The following RALGAPA2 variants were observed in gnomAD, a reference collection of about 807,000 sequenced individuals.
RALGAPA2 encodes ral GTPase-activating protein subunit alpha-2.
RALGAPA2 carries 139 observed loss-of-function variants against 230.4 expected under a neutral mutation model. The observed-to-expected ratio is 0.60, with a 90% CI of 0.53 to 0.69. RALGAPA2 has a LOEUF of 0.69. Ranked by LOEUF, RALGAPA2 falls within the 30% of genes least tolerant of loss-of-function variation. RALGAPA2 has a pLI of 0.00. For missense variants in RALGAPA2, 2,163 were observed against 2,276.0 expected, an observed-to-expected ratio of 0.95 and a Z score of 1.01; for synonymous variants, 847 against 837.8, an observed-to-expected ratio of 1.01 and a Z score of -0.19.
chr20:20,531,571 G>C, intron 27 of RALGAPA2, 116 bp downstream of exon 27: 1 of 914,686 alleles, frequency 1.1e-6, no homozygotes, highest in South Asian at 1.5e-5. Context: ...CATGCAATGG[G>C]AATCACAATC....
intron 37 of RALGAPA2, among the ~76,000 whole-genome samples, chr20:20,457,441 C>T (rs536457564): frequency 1.3e-5 from 2 of 152,286 alleles, no homozygotes; most frequent in East Asian, 1.9e-4. Flanking sequence ...AGATGAGTTG[C>T]TCATTTTTCT....
chr20:20,620,697 G>C (rs563483373), intron 10 of RALGAPA2, 67 bp from the exon 11 acceptor site: 2 of 1,334,248 alleles, frequency 1.5e-6, no homozygotes, highest in African/African-American at 1.5e-5. Flanking sequence ...GCAGCATCAC[G>C]GACATTCCCA....
At chr20:20,679,886 T>A (rs2068461092) in intron 2 of RALGAPA2, among the ~76,000 whole-genome samples, 1 of 152,250 alleles carries the variant, frequency 6.6e-6, no homozygotes, top group South Asian at 2.1e-4. Flanking sequence ...GCATATGGCT[T>A]ATTTTTTAAA....
chr20:20,459,613 G>A (rs1343593773), intron 37 of RALGAPA2, among the ~76,000 whole-genome samples: 1 of 151,968 alleles, frequency 6.6e-6, no homozygotes, highest in African/African-American at 2.4e-5. Flanking sequence ...AGAGCATGCT[G>A]TTCACCAAGA....
intron 1 of RALGAPA2, among the ~76,000 whole-genome samples, chr20:20,710,271 T>C (rs182590028): frequency 6.6e-6 from 1 of 152,322 alleles, no homozygotes; most frequent in East Asian, 1.9e-4. Context: ...TTCAAATAGT[T>C]TCCTTAATCT....
chr20:20,559,726 G>A (rs2064199723), intron 23 of RALGAPA2, among the ~76,000 whole-genome samples: 1 of 149,958 alleles, frequency 6.7e-6, no homozygotes. Flanking sequence ...GAAATAGGAG[G>A]AGGAGGGCTT....
In RALGAPA2 at chr20:20,505,081, T is replaced by C. The variant is rs1192675551; in HGVS notation, c.5052+330A>G. On this transcript the variant is annotated intron_variant, in intron 34 of 39. Coordinates refer to ENST00000202677, the MANE Select transcript of RALGAPA2 (RefSeq NM_020343.4). ...TCATTGACTTCTTCTTCAATCTCCA[T>C]ACTGTGGCCAAAGCCATTGCTTCTC... The C allele has an allele frequency of 4.1e-6, 4 of 985,294 alleles. No individual in the cohort carries two copies. The African/African-American group carries it at 7.0e-5, about 17-fold the overall frequency. The allele number at this position is 985,294 out of a possible 1,614,324, so 61.0% of individuals were successfully genotyped here. A position where few individuals can be genotyped will look rare whatever the true frequency, so the allele number is the denominator to read the frequency against.
intron 2 of RALGAPA2, among the ~76,000 whole-genome samples, chr20:20,678,916 A>G (rs1380031263): frequency 2.0e-5 from 3 of 151,872 alleles, no homozygotes; most frequent in African/African-American, 7.3e-5. Flanking sequence ...CAATAGGCTG[A>G]CTCTACATGC....
Position 20,458,457 on chromosome 20 carries a change from T to C in RALGAPA2, c.5495+14372A>G, listed in dbSNP as rs1476151182. Among the ~76,000 whole-genome samples, 57 of 134,736 alleles carry C rather than the reference T, an allele frequency of 4.2e-4. 1 individual carries two copies. The highest frequency in any genetic ancestry group is 1.6e-3 in the African/African-American group (54 of 32,986). 88.4% of individuals were successfully genotyped at this position (134,736 alleles called of 152,430 possible). On this transcript the variant is annotated intron_variant, in intron 37 of 39. Coordinates refer to ENST00000202677, the MANE Select transcript of RALGAPA2 (RefSeq NM_020343.4). ...TTTTTTATATTACATATAATACATA[T>C]GTATTTTATATAATATATAATATAT...
At chr20:20,490,511 T>A (rs2123553720) in intron 36 of RALGAPA2, among the ~76,000 whole-genome samples, 1 of 152,348 alleles carries the variant, frequency 6.6e-6, no homozygotes, top group African/African-American at 2.4e-5. Flanking sequence ...TTATTTTCCC[T>A]GAGAAGTTCC....
chr20:20,589,102 T>C (rs774346795), intron 18 of RALGAPA2, among the ~76,000 whole-genome samples, 166 bp downstream of exon 18: 1 of 152,206 alleles, frequency 6.6e-6, no homozygotes, highest in South Asian at 2.1e-4. Flanking sequence ...TAATTTTACA[T>C]AGAAAGCAAG....
intron 5 of RALGAPA2, among the ~76,000 whole-genome samples, chr20:20,643,132 C>A (rs184028392): frequency 6.6e-6 from 1 of 152,224 alleles, no homozygotes; most frequent in Admixed American, 6.5e-5. Context: ...AACCAGGTTA[C>A]CAAGATGGAC....
chr20:20,546,453 G>C (rs2063776664), intron 24 of RALGAPA2, among the ~76,000 whole-genome samples: 1 of 152,224 alleles, frequency 6.6e-6, no homozygotes, highest in South Asian at 2.1e-4. Flanking sequence ...GCTTCTGACT[G>C]TGTAAATGTG....
chr20:20,483,919 T>G (rs961060541), intron 36 of RALGAPA2, among the ~76,000 whole-genome samples: 11 of 152,198 alleles, frequency 7.2e-5, no homozygotes, highest in Non-Finnish European at 7.4e-5. Context: ...GAGCTGATCT[T>G]GTACTCTAGT....
At chr20:20,659,597 T>C (rs1305512480) in intron 3 of RALGAPA2, 2 of 253,734 alleles carry the variant, frequency 7.9e-6, no homozygotes, top group East Asian at 1.8e-4. Flanking sequence ...ATTTACATAA[T>C]TGGAGTTAAT....
At chr20:20,703,251 G>A (rs1363751631) in intron 1 of RALGAPA2, among the ~76,000 whole-genome samples, 3 of 152,072 alleles carry the variant, frequency 2.0e-5, no homozygotes, top group African/African-American at 4.8e-5. Flanking sequence ...ACATAAAATG[G>A]TTATGAAACA....
chr20:20,512,868 G>A lies in RALGAPA2; in HGVS notation c.4501C>T (p.Arg1501Cys). Residue 1501 changes from arginine to cysteine, a missense_variant, in exon 32 of 40, where the codon CGT (arginine) becomes TGT (cysteine). Coordinates refer to ENST00000202677, the MANE Select transcript of RALGAPA2 (RefSeq NM_020343.4). ...NPSFLISSWH[R>C]DTFGPQKDSS... ...TCTTTCTGAGGTCCAAATGTGTCAC[G>A]ATGCCAGCTCGAAATCAGAAATGAA... The A allele has an allele frequency of 6.2e-6, 10 of 1,613,660 alleles. No individual in the cohort carries two copies. Among genetic ancestry groups the A allele is most frequent in the Non-Finnish European group, 8.5e-6 (10 of 1,179,600 alleles).
intron 23 of RALGAPA2, among the ~76,000 whole-genome samples, chr20:20,553,556 AAAAACAAAAC>A (rs965848438): frequency 2.0e-5 from 3 of 152,054 alleles, no homozygotes; most frequent in Non-Finnish European, 2.9e-5. Context: ...TATCTTAAAA[AAAAACAAAAC>A]AAAACAAAAC....
intron 23 of RALGAPA2, among the ~76,000 whole-genome samples, chr20:20,564,026 A>G (rs912506013): frequency 6.6e-6 from 1 of 152,178 alleles, no homozygotes; most frequent in South Asian, 2.1e-4. Flanking sequence ...TTTCATGATT[A>G]TAATTCACCC....
Sources: allele counts gnomAD v4.1 joint callset (sites outside exome capture counted in the v4.1 genomes callset), GRCh38; gene constraint gnomAD v4.1.1; transcripts MANE v1.5; gene names NCBI Gene and HGNC (gene_info 2026-07-23, HGNC 2026-07-21).